Variants in CCDC144A observed in about 807,000 individuals in gnomAD.
CCDC144A encodes coiled-coil domain containing 144A.
Under a neutral mutation model 143.8 loss-of-function variants are expected in CCDC144A, and 41 were observed. That is an observed-to-expected ratio of 0.29 (90% confidence interval 0.22 to 0.37). The LOEUF is 0.37. Among genes scored for constraint, CCDC144A ranks in the 10% least tolerant of loss-of-function variants. The probability of loss-of-function intolerance (pLI) is 1.00; values close to 1 mark genes in which losing one functional copy is unlikely to be tolerated. For synonymous variants in CCDC144A, 242 were observed against 517.9 expected, an observed-to-expected ratio of 0.47 and a Z score of 7.23; for missense variants, 637 against 1,488.8, an observed-to-expected ratio of 0.43 and a Z score of 9.41.
chr17:16,687,394 CT>C (rs1167959983), upstream of CCDC144A, among the ~76,000 whole-genome samples: 1 of 151,954 alleles, frequency 6.6e-6, no homozygotes, highest in Non-Finnish European at 1.5e-5. Flanking sequence ...AGGAATTTCT[CT>C]TGTCCTAGCC....
intron 1 of CCDC144A, chr17:16,692,040 G>C (rs1203210140): frequency 6.6e-6 from 1 of 151,952 alleles, no homozygotes; most frequent in Non-Finnish European, 1.5e-5. Flanking sequence ...GGTGATCAAT[G>C]GAGCTGAGTA....
Position 16,740,621 on chromosome 17 carries a change from G to A in CCDC144A, c.3372+4978G>A, listed in dbSNP as rs938116416. Among the ~76,000 whole-genome samples the A allele has an allele frequency of 2.6e-5, 4 of 152,072 alleles. No individual in the cohort carries two copies. The South Asian group carries it at 6.2e-4, about 24-fold the overall frequency. On this transcript the variant is annotated intron_variant, in intron 12 of 16. Transcript: ENST00000399273. ...CTTGAAGTAAGGTAAAGGGGAAATT[G>A]CATTTAATAGCTTAACACTCAAAGG...
upstream of CCDC144A, among the ~76,000 whole-genome samples, chr17:16,687,704 TCTC>T (rs1194523476): frequency 6.6e-6 from 1 of 152,118 alleles, no homozygotes; most frequent in Non-Finnish European, 1.5e-5. Context: ...CAGCAATAGT[TCTC>T]ATTCTTCCAA....
chr17:16,676,700 C>T, the CCDC144A span, among the ~76,000 whole-genome samples: 1,464 of 151,852 alleles, frequency 9.6e-3, 15 homozygotes, highest in Non-Finnish European at 0.015. Context: ...TTTTTAAAAA[C>T]ACTCTGCACA....
the CCDC144A span, among the ~76,000 whole-genome samples, chr17:16,674,248 T>C: frequency 1.3e-5 from 2 of 151,886 alleles, no homozygotes; most frequent in African/African-American, 4.8e-5. Flanking sequence ...ATCTCATCTC[T>C]ACAAAAAATT....
chr17:16,732,871 T>C (rs1318251688), intron 11 of CCDC144A, among the ~76,000 whole-genome samples: 1 of 151,104 alleles, frequency 6.6e-6, no homozygotes, highest in African/African-American at 2.4e-5. Context: ...ACTCCATTTG[T>C]TTGCAAGAGT....
intron 2 of CCDC144A, among the ~76,000 whole-genome samples, chr17:16,699,513 T>C (rs1196213780): frequency 3.1e-3 from 51 of 16,692 alleles, no homozygotes; most frequent in Middle Eastern, 0.014. Context: ...GTAGCTGGGA[T>C]TACAGGCGTG....
At chr17:16,699,558 C>T (rs1911617599) in intron 2 of CCDC144A, among the ~76,000 whole-genome samples, 1 of 81,998 alleles carries the variant, frequency 1.2e-5, no homozygotes, top group Admixed American at 1.5e-4. Context: ...TTTTTTTGAA[C>T]GGGTGTGATT....
intron 11 of CCDC144A, 84 bp downstream of exon 11, chr17:16,732,750 A>AC: frequency 1.1e-6 from 1 of 946,854 alleles, no homozygotes; most frequent in Non-Finnish European, 1.5e-6. Context: ...GGAAAGTACA[A>AC]TGGATTTTTG....
At chr17:16,709,684 G>A (rs754017904) in intron 5 of CCDC144A, 49 bp downstream of exon 5, 6 of 1,565,726 alleles carry the variant, frequency 3.8e-6, no homozygotes, top group Non-Finnish European at 5.2e-6. Context: ...CAATTATCTG[G>A]TCCATTCTGA....
At chr17:16,753,627 C>T (rs1235248518) in intron 12 of CCDC144A, among the ~76,000 whole-genome samples, 1 of 151,866 alleles carries the variant, frequency 6.6e-6, no homozygotes, top group Non-Finnish European at 1.5e-5. Flanking sequence ...GATTTTGTGG[C>T]CTGCACCTTT....
chr17:16,717,702 T>A (rs991518810), intron 6 of CCDC144A, among the ~76,000 whole-genome samples: 1 of 152,228 alleles, frequency 6.6e-6, no homozygotes, highest in Admixed American at 6.5e-5. Flanking sequence ...GCAGGAAATA[T>A]ATATTTCTTT....
intron 6 of CCDC144A, among the ~76,000 whole-genome samples, chr17:16,714,126 C>A (rs1028074370): frequency 3.4e-4 from 51 of 152,160 alleles, no homozygotes; most frequent in Admixed American, 3.3e-3. Flanking sequence ...TTTCTTCCTG[C>A]CTTTCCAGTC....
the CCDC144A span, among the ~76,000 whole-genome samples, chr17:16,671,693 A>G: frequency 2.0e-5 from 3 of 152,186 alleles, no homozygotes; most frequent in East Asian, 3.9e-4. Flanking sequence ...GGATATGGAT[A>G]TATTATCTTT....
At chr17:16,705,755 G>C (rs982566705) in intron 3 of CCDC144A, 2 of 274,564 alleles carry the variant, frequency 7.3e-6, no homozygotes, top group Non-Finnish European at 1.4e-5. Context: ...TATTTTTACA[G>C]CTCTGAATTC....
chr17:16,724,455 A>AGCC (rs924228800), intron 8 of CCDC144A, among the ~76,000 whole-genome samples: 1 of 149,062 alleles, frequency 6.7e-6, no homozygotes, highest in Non-Finnish European at 1.5e-5. Context: ...GCTTGCAGTG[A>AGCC]GCCGAGATCC....
chr17:16,684,158 G>T, the CCDC144A span: 2 of 1,169,618 alleles, frequency 1.7e-6, no homozygotes, highest in Non-Finnish European at 2.6e-6. Flanking sequence ...GACAAGTGCA[G>T]GGAAAGAGGT....
intron 12 of CCDC144A, among the ~76,000 whole-genome samples, chr17:16,758,629 G>A (rs1216837846): frequency 6.6e-6 from 1 of 152,218 alleles, no homozygotes; most frequent in Non-Finnish European, 1.5e-5. Context: ...TGGACTTCAT[G>A]GGAACCATCC....
chr17:16,726,418 A>G (rs1201395043), intron 8 of CCDC144A, among the ~76,000 whole-genome samples: 1 of 149,802 alleles, frequency 6.7e-6, no homozygotes, highest in Non-Finnish European at 1.5e-5. Flanking sequence ...AAAAAGAAAA[A>G]TCTTCCATGC....
Sources: gnomAD v4.1 joint callset for allele counts (sites outside exome capture counted in the v4.1 genomes callset) on GRCh38, gnomAD v4.1.1 for gene constraint, MANE v1.5 for transcripts, NCBI Gene and HGNC (gene_info 2026-07-23, HGNC 2026-07-21) for gene names.